Variants in SMN2 observed in about 807,000 individuals in gnomAD.
The protein encoded by SMN2 is survival of motor neuron 2, centromeric.
SMN2 carries 1 observed loss-of-function variant against 2.8 expected under a neutral mutation model. The ratio of observed to expected loss-of-function variants is 0.35; its 90% CI spans 0.13 to 1.68. The LOEUF is 1.68. SMN2 is among the 40% of genes most tolerant of loss of function. The pLI is 0.35. For missense variants in SMN2, 12 were observed against 16.9 expected, an observed-to-expected ratio of 0.71 and a Z score of 0.51; for synonymous variants, 5 against 5.0, an observed-to-expected ratio of 0.99 and a Z score of 0.01.
rs546424564 is a variant in SMN2, at chr5:70,070,148, CTG to C, written c.724-467_724-466del. 2.6e-3 allele frequency among the ~76,000 whole-genome samples: 336 copies of C among 130,432 alleles called. 4 individuals are homozygous for C. The highest frequency in any genetic ancestry group is 0.01 in the African/African-American group (300 of 28,746). The allele number at this position is 130,432 out of a possible 152,430, so 85.6% of individuals were successfully genotyped here. Reference sequence around the variant, plus strand: ...AATCGCCCTCGAAATGCTATGTGAGCTGTGTGTGTGTGTGTGTGTGTGTGTGT... The same window carrying C: ...AATCGCCCTCGAAATGCTATGTGAGCTGTGTGTGTGTGTGTGTGTGTGTGT... On this transcript the variant is annotated intron_variant, in intron 6 of 8. Coordinates refer to ENST00000380743, the MANE Select transcript of SMN2 (RefSeq NM_017411.4).
the SMN2 span, among the ~76,000 whole-genome samples, chr5:70,084,506 A>G: frequency 2.2e-5 from 3 of 137,604 alleles, no homozygotes; most frequent in Non-Finnish European, 4.6e-5. Flanking sequence ...ATTTTAAACA[A>G]AAGTTTGCTA....
At chr5:70,079,023 T>G (rs1580736630), downstream of SMN2, among the ~76,000 whole-genome samples, 1 of 13,432 alleles carries the variant, frequency 7.4e-5, no homozygotes, top group African/African-American at 3.9e-4. Flanking sequence ...AGTGCTGGGA[T>G]TACAAGCTTG....
the SMN2 span, among the ~76,000 whole-genome samples, chr5:70,084,557 C>T: frequency 2.9e-5 from 4 of 136,910 alleles, 1 homozygote; most frequent in South Asian, 9.0e-4. Context: ...ATATTTATAC[C>T]AACATGGAGA....
chr5:70,052,140 G>T (rs1774452482), intron 1 of SMN2, among the ~76,000 whole-genome samples: 1 of 119,480 alleles, frequency 8.4e-6, no homozygotes, highest in Admixed American at 8.6e-5. Flanking sequence ...GCAGTGAGCC[G>T]AGATCACGCC....
In SMN2 at chr5:70,075,510, G is replaced by A. The variant is rs1438230052; in HGVS notation, c.835-1011G>A. On this transcript the variant is annotated intron_variant, in intron 7 of 8. Transcript: ENST00000380743. The stretch of plus-strand genomic sequence containing the variant: ...ATTATAGGCGTGAGCCACTGTGCCC[G>A]GCCTAGTCTTGTATTTTTAGTAGAG... Among the ~76,000 whole-genome samples, 5 of 120,164 alleles carry A rather than the reference G, an allele frequency of 4.2e-5. 1 individual carries two copies. The East Asian group carries it at 8.7e-4, about 21-fold the overall frequency. The allele number at this position is 120,164 out of a possible 152,430, so 78.8% of individuals were successfully genotyped here. A position where few individuals can be genotyped will look rare whatever the true frequency, so the allele number is the denominator to read the frequency against.
intron 1 of SMN2, among the ~76,000 whole-genome samples, chr5:70,052,148 G>A (rs1470366734): frequency 2.4e-5 from 3 of 123,668 alleles, no homozygotes; most frequent in Admixed American, 1.7e-4. Context: ...CCGAGATCAC[G>A]CCACTGTACT....
rs1774756330 is a variant in SMN2 at position 70,076,462 on chromosome 5, T to C, written c.835-59T>C. On this transcript the variant is annotated intron_variant, in intron 7 of 8. Coordinates refer to ENST00000380743, the MANE Select transcript of SMN2 (RefSeq NM_017411.4). ...TTTAACATCCATATAAAGCTATCTA[T>C]ATATAGCTATCTATATCTATATAGC... is the stretch of plus-strand genomic sequence containing the variant. 1.8e-6 allele frequency: 2 copies of C among 1,113,584 alleles called. 1 individual carries two copies. The highest frequency in any genetic ancestry group is 4.2e-5 in the African/African-American group (2 of 47,954). The allele number at this position is 1,113,584 out of a possible 1,614,324, so 69.0% of individuals were successfully genotyped here.
At chr5:70,084,210 G>A in the SMN2 span, among the ~76,000 whole-genome samples, 2 of 57,522 alleles carry the variant, frequency 3.5e-5, no homozygotes, top group South Asian at 5.7e-4. Flanking sequence ...TTTTTGATAC[G>A]GAGTCTTGCT....
rs1405769748 is a variant in SMN2 at position 70,052,872 on chromosome 5, ACT to A, written c.81+3109_81+3110del. Among the ~76,000 whole-genome samples the A allele has an allele frequency of 1.5e-4, 18 of 123,610 alleles. 1 individual carries two copies. The highest frequency in any genetic ancestry group is 4.8e-4 in the African/African-American group (17 of 35,082). 81.1% of individuals were successfully genotyped at this position (123,610 alleles called of 152,430 possible). On this transcript the variant is annotated intron_variant, in intron 1 of 8. Coordinates refer to ENST00000380743, the MANE Select transcript of SMN2 (RefSeq NM_017411.4). Reference sequence around the variant, plus strand: ...ACTCCATCCTGGGCGACAAAATGAGACTCTGCCTCAAAAAAAAAAAAAAAAAA... The same window carrying A: ...ACTCCATCCTGGGCGACAAAATGAGACTGCCTCAAAAAAAAAAAAAAAAAA...
At chr5:70,079,230 C>G (rs1774815063), downstream of SMN2, among the ~76,000 whole-genome samples, 1 of 139,454 alleles carries the variant, frequency 7.2e-6, no homozygotes, top group African/African-American at 3.0e-5. Context: ...ATCAGGAGTT[C>G]CAGACCAGCC....
the SMN2 span, among the ~76,000 whole-genome samples, chr5:70,084,221 C>T: frequency 1.7e-5 from 1 of 59,932 alleles, no homozygotes; most frequent in African/African-American, 1.0e-4. Flanking sequence ...GAGTCTTGCT[C>T]TGTTGCCCAG....
chr5:70,083,726 C>T, the SMN2 span, among the ~76,000 whole-genome samples: 1 of 130,792 alleles, frequency 7.6e-6, no homozygotes, highest in East Asian at 2.2e-4. Flanking sequence ...ACCGCATGTT[C>T]TCACTCATAG....
downstream of SMN2, among the ~76,000 whole-genome samples, chr5:70,079,199 G>A (rs1416948071): frequency 3.6e-5 from 5 of 139,042 alleles, no homozygotes; most frequent in Non-Finnish European, 7.6e-5. Flanking sequence ...TTGGGAGGCC[G>A]AGGCGGGTGG....
intron 7 of SMN2, among the ~76,000 whole-genome samples, chr5:70,075,014 AT>A (rs1294513000): frequency 8.0e-6 from 1 of 124,962 alleles, no homozygotes; most frequent in Non-Finnish European, 1.7e-5. Flanking sequence ...GAAGAAAAAT[AT>A]TTTTTTAAAT....
At chr5:70,079,431 CAAAAAAAAAAA>C (rs58866189), downstream of SMN2, among the ~76,000 whole-genome samples, 4 of 103,898 alleles carry the variant, frequency 3.8e-5, no homozygotes, top group Admixed American at 3.0e-4. Context: ...GACTCCGTCT[CAAAAAAAAAAA>C]AAAAAAAAAC....
intron 7 of SMN2, among the ~76,000 whole-genome samples, chr5:70,075,083 C>A (rs1774704621): frequency 8.4e-6 from 1 of 119,664 alleles, no homozygotes; most frequent in Non-Finnish European, 1.7e-5. Flanking sequence ...GGCTGGGGTG[C>A]AATGGTGCAA....
chr5:70,085,597 G>A, the SMN2 span, among the ~76,000 whole-genome samples: 4 of 55,438 alleles, frequency 7.2e-5, no homozygotes, highest in East Asian at 1.1e-3. Context: ...ACAAGCTTAC[G>A]TATTTATAAG....
At chr5:70,076,809 C>G (rs1472791518) in intron 8 of SMN2, 18 of 1,322,020 alleles carry the variant, frequency 1.4e-5, no homozygotes, top group Non-Finnish European at 1.7e-5. Flanking sequence ...AACATACTTT[C>G]ACAATAAAGA....
the SMN2 span, among the ~76,000 whole-genome samples, chr5:70,085,390 C>T: frequency 7.4e-6 from 1 of 135,044 alleles, no homozygotes; most frequent in Non-Finnish European, 1.5e-5. Context: ...TATAGGCACC[C>T]GCCACTGCAC....
Sources: gnomAD v4.1 joint callset for allele counts (sites outside exome capture counted in the v4.1 genomes callset) on GRCh38, gnomAD v4.1.1 for gene constraint, MANE v1.5 for transcripts, NCBI Gene and HGNC (gene_info 2026-07-23, HGNC 2026-07-21) for gene names.